The following EYS variants were observed in gnomAD, a reference collection of about 807,000 sequenced individuals.
The protein encoded by EYS is EGF-like photoreceptor maintenance factor.
In EYS, 250 loss-of-function variants were observed where a neutral mutation model predicts 282.1. The ratio of observed to expected loss-of-function variants is 0.89; its 90% CI spans 0.80 to 0.98. EYS has a LOEUF of 0.98. Ranked by LOEUF, EYS falls within the 50% of genes least tolerant of loss-of-function variation. EYS has a pLI of 0.00. For missense variants in EYS, 4,016 were observed against 3,709.0 expected (o/e 1.08, Z -2.15); for synonymous variants, 1,355 against 1,282.9 (o/e 1.06, Z -1.20).
Position 65,453,357 on chromosome 6 carries a change from T to C in EYS, c.862+37237A>G, listed in dbSNP as rs142687205. 8.3e-3 allele frequency among the ~76,000 whole-genome samples: 1,258 copies of C among 152,098 alleles called. 15 individuals are homozygous for C. Among genetic ancestry groups the C allele is most frequent in the African/African-American group, 0.029 (1,198 of 41,524 alleles). On this transcript the variant is annotated intron_variant, in intron 5 of 42. Transcript: ENST00000503581. ...TGTATTTAAAAATTAGAACTGATTTTAAAACTCAAATTTATTTAAAAAATA... is the reference window on the plus strand; with the variant it reads ...TGTATTTAAAAATTAGAACTGATTTCAAAACTCAAATTTATTTAAAAAATA...
At chr6:64,284,999 C>T (rs1418598066) in intron 30 of EYS, among the ~76,000 whole-genome samples, 2 of 152,148 alleles carry the variant, frequency 1.3e-5, no homozygotes, top group African/African-American at 4.8e-5. Context: ...GATACCTTCC[C>T]CATTGTCTTG....
chr6:64,016,291 C>G (rs894983056), intron 33 of EYS, among the ~76,000 whole-genome samples: 6 of 151,974 alleles, frequency 3.9e-5, no homozygotes, highest in African/African-American at 1.5e-4. Flanking sequence ...ATCTCAAGTA[C>G]TTTAAAATAT....
intron 33 of EYS, among the ~76,000 whole-genome samples, chr6:64,036,095 A>G (rs1427070191): frequency 6.6e-6 from 1 of 152,212 alleles, no homozygotes; most frequent in Non-Finnish European, 1.5e-5. Context: ...TTATACAGCA[A>G]ATTTTGTTGT....
chr6:65,608,177 C>T (rs1765868095), intron 2 of EYS, among the ~76,000 whole-genome samples: 1 of 151,962 alleles, frequency 6.6e-6, no homozygotes, highest in Non-Finnish European at 1.5e-5. Context: ...GGATAGCCTC[C>T]TACACACCTA....
At chr6:64,502,231 TG>T (rs1334892592) in intron 26 of EYS, among the ~76,000 whole-genome samples, 278 of 137,692 alleles carry the variant, frequency 2.0e-3, no homozygotes, top group African/African-American at 6.7e-3. Flanking sequence ...GTTTTTTTTT[TG>T]TTTTGTTTTG....
intron 30 of EYS, among the ~76,000 whole-genome samples, chr6:64,282,735 C>T (rs543992204): frequency 6.6e-6 from 1 of 152,166 alleles, no homozygotes; most frequent in Non-Finnish European, 1.5e-5. Context: ...CAAGACACTG[C>T]TATCTTATGC....
chr6:65,084,114 A>G (rs184738259), intron 12 of EYS, among the ~76,000 whole-genome samples: 77 of 152,206 alleles, frequency 5.1e-4, no homozygotes, highest in African/African-American at 1.7e-3. Context: ...TTAGCATGTC[A>G]GCAGAAGAAA....
chr6:63,778,889 G>A (rs934167645), intron 39 of EYS, among the ~76,000 whole-genome samples: 5 of 151,796 alleles, frequency 3.3e-5, no homozygotes, highest in African/African-American at 7.3e-5. Context: ...CTATTTTACC[G>A]TTTTTGGTTG....
intron 35 of EYS, among the ~76,000 whole-genome samples, chr6:63,913,659 C>T (rs1764339949): frequency 6.6e-6 from 1 of 152,182 alleles, no homozygotes; most frequent in African/African-American, 2.4e-5. Context: ...TGCATCAGTA[C>T]TTCATTCCTT....
At chr6:63,822,656 T>A (rs1771354002) in intron 36 of EYS, 1 of 152,226 alleles carries the variant, frequency 6.6e-6, no homozygotes, top group Admixed American at 6.5e-5. Flanking sequence ...TTATTTTTTG[T>A]CTCGTACAAA....
intron 8 of EYS, among the ~76,000 whole-genome samples, chr6:65,373,671 C>G (rs1346344164): frequency 6.6e-6 from 1 of 151,986 alleles, no homozygotes; most frequent in East Asian, 1.9e-4. Flanking sequence ...TGATTAATAA[C>G]CTTCAAAAAC....
chr6:65,693,899 A>C (rs1366577776), intron 1 of EYS, among the ~76,000 whole-genome samples: 1 of 150,112 alleles, frequency 6.7e-6, no homozygotes, highest in Admixed American at 6.7e-5. Flanking sequence ...GGGTTGTCCT[A>C]GACCTTTGTT....
In EYS at chr6:65,178,206, C is replaced by T. The variant is rs543429000; in HGVS notation, c.2023+117657G>A. ...AAGCAGCATGACCTTATAAAATTTC[C>T]CTCTAGCTCCTGCCTCTTTGCAGAC... On this transcript the variant is annotated intron_variant, in intron 12 of 42. Coordinates refer to ENST00000503581, the MANE Select transcript of EYS (RefSeq NM_001142800.2). 1.3e-3 allele frequency among the ~76,000 whole-genome samples: 198 copies of T among 151,964 alleles called. 1 individual carries two copies. The highest frequency in any genetic ancestry group is 2.2e-3 in the Admixed American group (33 of 15,240).
intron 12 of EYS, among the ~76,000 whole-genome samples, chr6:65,207,854 C>T (rs1170927159): frequency 6.6e-6 from 1 of 151,644 alleles, no homozygotes; most frequent in African/African-American, 2.4e-5. Context: ...CTATCACTAA[C>T]AGTATATACA....
At chr6:64,298,351 TGG>T (rs35493279) in intron 30 of EYS, among the ~76,000 whole-genome samples, 1 of 151,762 alleles carries the variant, frequency 6.6e-6, no homozygotes, top group South Asian at 2.1e-4. Flanking sequence ...AATTACTAGT[TGG>T]GGGGGGCACA....
At chr6:64,787,350 C>T (rs1163425650) in intron 22 of EYS, among the ~76,000 whole-genome samples, 1 of 152,104 alleles carries the variant, frequency 6.6e-6, no homozygotes, top group Non-Finnish European at 1.5e-5. Context: ...ATTGGAAAGA[C>T]ATTTTTCCTA....
intron 28 of EYS, among the ~76,000 whole-genome samples, chr6:64,422,475 T>C (rs996189958): frequency 3.9e-5 from 6 of 152,202 alleles, no homozygotes; most frequent in African/African-American, 1.4e-4. Flanking sequence ...CTGAGGACCT[T>C]CGTACTTTAA....
At chr6:64,725,816 GC>G (rs1771734547) in intron 22 of EYS, among the ~76,000 whole-genome samples, 1 of 151,682 alleles carries the variant, frequency 6.6e-6, no homozygotes, top group Non-Finnish European at 1.5e-5. Context: ...GTTTAATCAA[GC>G]TTTTTCCTTC....
Position 64,127,275 on chromosome 6 carries a change from T to C in EYS, c.6425-45273A>G, listed in dbSNP as rs115263976. 6.7e-3 allele frequency among the ~76,000 whole-genome samples: 1,025 copies of C among 152,270 alleles called. 10 individuals carry two copies. Among genetic ancestry groups the C allele is most frequent in the African/African-American group, 0.023 (948 of 41,574 alleles). On this transcript the variant is annotated intron_variant, in intron 31 of 42. Transcript: ENST00000503581. ...GAATCTCACTAATTTACTTGAACAG[T>C]ATTGTATGGGTATAATTCCTAGACT...
Sources: gnomAD v4.1 joint callset for allele counts (sites outside exome capture counted in the v4.1 genomes callset) on GRCh38, gnomAD v4.1.1 for gene constraint, MANE v1.5 for transcripts, NCBI Gene and HGNC (gene_info 2026-07-23, HGNC 2026-07-21) for gene names.